Variants in SSR1 observed in about 807,000 individuals in gnomAD.
The protein encoded by SSR1 is signal sequence receptor subunit 1.
In SSR1, 13 loss-of-function variants were observed where a neutral mutation model predicts 36.1. That is an observed-to-expected ratio of 0.36 (90% CI 0.23 to 0.57). The LOEUF (loss-of-function observed/expected upper bound fraction) is 0.57. Among genes scored for constraint, SSR1 ranks in the 20% least tolerant of loss-of-function variants. The pLI, the probability that SSR1 is intolerant of heterozygous loss-of-function variation, is 0.81. For missense variants in SSR1, 291 were observed against 338.5 expected (o/e 0.86, Z 1.10); for synonymous variants, 113 against 118.9 (o/e 0.95, Z 0.32).
Position 7,282,141 on chromosome 6 carries a change from A to G in SSR1, c.*7723T>C, listed in dbSNP as rs76345703. On this transcript the variant is annotated 3_prime_UTR_variant, in exon 8 of 8. Transcript: ENST00000244763. Reference sequence around the variant, plus strand: ...AGGTTCTGGCAAGTGGAGAACCATGAGATCCTGACAGAGCAGGCTTTTGTG... The same window carrying G: ...AGGTTCTGGCAAGTGGAGAACCATGGGATCCTGACAGAGCAGGCTTTTGTG... 17,398 of 152,342 alleles carry G rather than the reference A, an allele frequency of 0.11. 1,338 individuals carry two copies. Among genetic ancestry groups the G allele is most frequent in the Non-Finnish European group, 0.17 (11,878 of 68,054 alleles). 9.4% of individuals were successfully genotyped at this position (152,342 alleles called of 1,614,324 possible). A position where few individuals can be genotyped will look rare whatever the true frequency, so the allele number is the denominator to read the frequency against.
Position 7,301,544 on chromosome 6 carries a change from G to C in SSR1, c.309C>G (p.Phe103Leu). 1 of 1,611,762 alleles carries C rather than the reference G, an allele frequency of 6.2e-7. No individual in the cohort carries two copies. Among genetic ancestry groups the C allele is most frequent in the Non-Finnish European group, 8.5e-7 (1 of 1,179,502 alleles). The change falls in exon 4 of 8, where the codon TTC becomes TTG. Residue 103 changes from phenylalanine to leucine, a missense_variant. Transcript: ENST00000244763. ...EDFPANNIVK[F>L]LVGFTNKGTE... The stretch of plus-strand genomic sequence containing the variant: ...TACCCTTGTTGGTAAAGCCTACCAG[G>C]AACTTCACAATGTTATTTGCTGGAA...
intron 7 of SSR1, among the ~76,000 whole-genome samples, chr6:7,291,990 G>A (rs1301005000): frequency 6.6e-6 from 1 of 152,066 alleles, no homozygotes; most frequent in East Asian, 1.9e-4. Context: ...GGCGGATTGA[G>A]CCCAGGAGGT....
In SSR1 at chr6:7,284,020, C is replaced by G. The variant is rs1757490988; in HGVS notation, c.*5844G>C. 1 of 152,206 alleles carries G rather than the reference C, an allele frequency of 6.6e-6. No individual in the cohort carries two copies. Among genetic ancestry groups the G allele is most frequent in the African/African-American group, 2.4e-5 (1 of 41,458 alleles). The allele number at this position is 152,206 out of a possible 1,614,324, so 9.4% of individuals were successfully genotyped here. On this transcript the variant is annotated 3_prime_UTR_variant, in exon 8 of 8. Transcript: ENST00000244763. ...ATGCTTGATGTTCTCCATCTGAACA[C>G]TACTCTTGACCACAGTATTTCTCAT...
At position 7,287,389 on chromosome 6, in the gene SSR1, T is replaced by C. The variant is rs1334877182; in HGVS notation, c.*2475A>G. 6.6e-6 allele frequency: 1 copy of C among 152,216 alleles called. No homozygotes were observed. The highest frequency in any genetic ancestry group is 1.5e-5 in the Non-Finnish European group (1 of 68,044). The allele number at this position is 152,216 out of a possible 1,614,324, so 9.4% of individuals were successfully genotyped here. A position where few individuals can be genotyped will look rare whatever the true frequency, so the allele number is the denominator to read the frequency against. ...TGAAGGTACTTGAAGTTAAAAACCTTATTACTATCAAGTGAAGCTTCTTTT... is the reference window on the plus strand; with the variant it reads ...TGAAGGTACTTGAAGTTAAAAACCTCATTACTATCAAGTGAAGCTTCTTTT... On this transcript the variant is annotated 3_prime_UTR_variant, in exon 8 of 8. Coordinates refer to ENST00000244763, the MANE Select transcript of SSR1 (RefSeq NM_003144.5).
chr6:7,310,310 C>G (rs1051824596), intron 1 of SSR1, among the ~76,000 whole-genome samples: 2 of 150,372 alleles, frequency 1.3e-5, no homozygotes, highest in African/African-American at 4.9e-5. Flanking sequence ...TCACTGCAGC[C>G]TCAAACTCCT....
At chr6:7,291,408 A>G (rs1209642459) in intron 7 of SSR1, among the ~76,000 whole-genome samples, 2 of 152,126 alleles carry the variant, frequency 1.3e-5, no homozygotes, top group African/African-American at 4.8e-5. Context: ...TCAGAAAAAT[A>G]AAAAAAGTTA....
chr6:7,290,606 AAGTT>A (rs1266685721), intron 7 of SSR1, among the ~76,000 whole-genome samples: 20 of 152,198 alleles, frequency 1.3e-4, no homozygotes, highest in Admixed American at 1.3e-3. Context: ...ATTTTAGAAT[AAGTT>A]AGAAATTACT....
intron 1 of SSR1, among the ~76,000 whole-genome samples, chr6:7,312,537 T>C (rs760226318): frequency 4.6e-5 from 7 of 152,126 alleles, no homozygotes; most frequent in Non-Finnish European, 7.4e-5. Context: ...CTCTGATGGC[T>C]TAGATGTGTA....
intron 3 of SSR1, among the ~76,000 whole-genome samples, chr6:7,302,763 A>C (rs1757965023): frequency 1.3e-5 from 2 of 152,016 alleles, no homozygotes; most frequent in South Asian, 4.2e-4. Context: ...TCCATCTCAA[A>C]AAACAAACAA....
intron 2 of SSR1, among the ~76,000 whole-genome samples, chr6:7,306,784 C>A (rs573024733): frequency 6.6e-6 from 1 of 151,652 alleles, no homozygotes; most frequent in Non-Finnish European, 1.5e-5. Flanking sequence ...GGTGTGGTGG[C>A]GGGCGCCTAT....
rs941667110 is a variant in SSR1 at position 7,309,812 on chromosome 6, C to G, written c.192+105G>C. On this transcript the variant is annotated intron_variant, in intron 2 of 7. Coordinates refer to ENST00000244763, the MANE Select transcript of SSR1 (RefSeq NM_003144.5). ...AACTGTGGGTCAATGAAACCTTTTT[C>G]CTTTATAAATTACCCAGTCTTGGGT... The G allele has an allele frequency of 6.1e-6, 6 of 979,500 alleles. No individual in the cohort carries two copies. In the East Asian group the frequency reaches 1.3e-4, roughly 21 times the overall value. The allele number at this position is 979,500 out of a possible 1,614,324, so 60.7% of individuals were successfully genotyped here. A position where few individuals can be genotyped will look rare whatever the true frequency, so the allele number is the denominator to read the frequency against.
chr6:7,312,491 G>C (rs1273488008), intron 1 of SSR1, among the ~76,000 whole-genome samples: 3 of 152,200 alleles, frequency 2.0e-5, no homozygotes, highest in Non-Finnish European at 4.4e-5. Flanking sequence ...GGGTCAAGCA[G>C]GGCGTGAACA....
Position 7,289,715 on chromosome 6 carries a change from A to G in SSR1, c.*149T>C, listed in dbSNP as rs1554132499. On this transcript the variant is annotated 3_prime_UTR_variant, in exon 8 of 8. Transcript: ENST00000244763. ...AAATGAATGCAGTGCATTTTCAGCA[A>G]TATTATCGCCACAGACTCTGATTGC... is the stretch of plus-strand genomic sequence containing the variant. The G allele has an allele frequency of 4.4e-6, 3 of 681,370 alleles. No homozygotes were observed. Among genetic ancestry groups the G allele is most frequent in the African/African-American group, 2.1e-5 (1 of 48,004 alleles). 42.2% of individuals were successfully genotyped at this position (681,370 alleles called of 1,614,324 possible). A position where few individuals can be genotyped will look rare whatever the true frequency, so the allele number is the denominator to read the frequency against.
intron 4 of SSR1, among the ~76,000 whole-genome samples, chr6:7,300,318 G>A (rs1757906425): frequency 6.6e-6 from 1 of 152,258 alleles, no homozygotes; most frequent in African/African-American, 2.4e-5. Context: ...TTTGACAGAG[G>A]AATGGTTTAG....
At chr6:7,291,414 A>AGTT (rs1270570927) in intron 7 of SSR1, among the ~76,000 whole-genome samples, 1 of 152,116 alleles carries the variant, frequency 6.6e-6, no homozygotes, top group African/African-American at 2.4e-5. Flanking sequence ...AAATAAAAAA[A>AGTT]GTTAAGGGCT....
chr6:7,294,791 A>T (rs1398217376), intron 7 of SSR1, among the ~76,000 whole-genome samples: 1 of 152,174 alleles, frequency 6.6e-6, no homozygotes, highest in African/African-American at 2.4e-5. Context: ...ATGAGGCTGC[A>T]TTGGTTTTAT....
chr6:7,294,385 A>C (rs9505127), intron 7 of SSR1, among the ~76,000 whole-genome samples: 56,372 of 152,136 alleles, frequency 0.37, 10,538 homozygotes, highest in South Asian at 0.45. Flanking sequence ...ATATAAACAT[A>C]ATACCATTTA....
In SSR1 at chr6:7,287,398, C is replaced by G. The variant is rs1317059166; in HGVS notation, c.*2466G>C. On this transcript the variant is annotated 3_prime_UTR_variant, in exon 8 of 8. Transcript: ENST00000244763. ...TTGAAGTTAAAAACCTTATTACTATCAAGTGAAGCTTCTTTTCTTCTGATT... is the reference window on the plus strand; with the variant it reads ...TTGAAGTTAAAAACCTTATTACTATGAAGTGAAGCTTCTTTTCTTCTGATT... The G allele has an allele frequency of 1.3e-5, 2 of 152,170 alleles. No individual in the cohort carries two copies. 9.4% of individuals were successfully genotyped at this position (152,170 alleles called of 1,614,324 possible).
At chr6:7,295,253 C>G in intron 7 of SSR1, 139 bp downstream of exon 7, 1 of 1,080,810 alleles carries the variant, frequency 9.3e-7, no homozygotes, top group Non-Finnish European at 1.3e-6. Flanking sequence ...TAATTAATCA[C>G]TATACTAGAT....
Sources: gnomAD v4.1 joint callset for allele counts (sites outside exome capture counted in the v4.1 genomes callset) on GRCh38, gnomAD v4.1.1 for gene constraint, MANE v1.5 for transcripts, NCBI Gene and HGNC (gene_info 2026-07-23, HGNC 2026-07-21) for gene names.